Variants in DPYD observed in about 807,000 individuals in gnomAD.
The protein encoded by DPYD is dihydropyrimidine dehydrogenase, also known as dihydropyrimidine dehydrogenase [NADP(+)].
DPYD carries 109 observed loss-of-function variants against 116.2 expected under a neutral mutation model. The observed-to-expected ratio is 0.94, with a 90% CI of 0.80 to 1.10. DPYD has a LOEUF of 1.10. Among genes scored for constraint, DPYD ranks in the 50% least tolerant of loss-of-function variants. DPYD has a pLI of 0.00. For synonymous variants in DPYD, 440 were observed against 432.0 expected (o/e 1.02, Z -0.23); for missense variants, 1,302 against 1,254.5 (o/e 1.04, Z -0.57).
chr1:97,608,501 T>C (rs1163028276), intron 8 of DPYD, among the ~76,000 whole-genome samples: 1 of 151,760 alleles, frequency 6.6e-6, no homozygotes, highest in Non-Finnish European at 1.5e-5. Flanking sequence ...AGTAGAAATA[T>C]ATGGGTAACG....
At chr1:97,416,583 C>A (rs1312020843) in intron 14 of DPYD, among the ~76,000 whole-genome samples, 4 of 152,202 alleles carry the variant, frequency 2.6e-5, no homozygotes, top group African/African-American at 7.2e-5. Context: ...TATATCACTT[C>A]TCTTGAAGTA....
At chr1:97,816,035 C>T (rs749284750) in intron 3 of DPYD, among the ~76,000 whole-genome samples, 35 of 152,118 alleles carry the variant, frequency 2.3e-4, no homozygotes, top group Non-Finnish European at 1.0e-4. Flanking sequence ...CAATAAAACA[C>T]CAAGAACATT....
At chr1:97,696,465 G>A (rs1323305100) in intron 6 of DPYD, among the ~76,000 whole-genome samples, 1 of 152,126 alleles carries the variant, frequency 6.6e-6, no homozygotes, top group East Asian at 1.9e-4. Context: ...GAGTAAATGA[G>A]ATTATTCTGA....
At chr1:97,466,320 G>A (rs1677321647) in intron 13 of DPYD, among the ~76,000 whole-genome samples, 1 of 152,160 alleles carries the variant, frequency 6.6e-6, no homozygotes, top group African/African-American at 2.4e-5. Flanking sequence ...CCTATCACTA[G>A]CTTGCTGAAG....
At chr1:97,652,275 T>G (rs2100844562) in intron 8 of DPYD, among the ~76,000 whole-genome samples, 1 of 152,304 alleles carries the variant, frequency 6.6e-6, no homozygotes, top group Admixed American at 6.5e-5. Flanking sequence ...TTCATCCTCT[T>G]TGACTAACAT....
chr1:97,501,278 T>C (rs559468773), intron 13 of DPYD, among the ~76,000 whole-genome samples: 1 of 152,254 alleles, frequency 6.6e-6, no homozygotes, highest in East Asian at 1.9e-4. Flanking sequence ...AGCCAACTTC[T>C]TAATATGTTC....
intron 16 of DPYD, among the ~76,000 whole-genome samples, chr1:97,350,199 A>T (rs1558047525): frequency 6.6e-6 from 1 of 152,140 alleles, no homozygotes; most frequent in Non-Finnish European, 1.5e-5. Context: ...TTAACTAAAA[A>T]GAATTAAACT....
intron 12 of DPYD, among the ~76,000 whole-genome samples, chr1:97,521,163 C>T (rs932895559): frequency 6.6e-6 from 1 of 152,158 alleles, no homozygotes; most frequent in Admixed American, 6.5e-5. Context: ...TAAGTTATCG[C>T]CATGCTAACT....
At chr1:97,207,056 T>C (rs1659690344) in intron 19 of DPYD, among the ~76,000 whole-genome samples, 1 of 152,054 alleles carries the variant, frequency 6.6e-6, no homozygotes, top group South Asian at 2.1e-4. Context: ...TATATTTCTT[T>C]TGGTTACCAT....
At chr1:97,226,547 T>C (rs1206608231) in intron 19 of DPYD, among the ~76,000 whole-genome samples, 4 of 151,970 alleles carry the variant, frequency 2.6e-5, no homozygotes, top group Admixed American at 6.6e-5. Flanking sequence ...GATACAAAAT[T>C]CACATGCAAA....
At chr1:97,397,593 AATGT>A (rs1459255940) in intron 14 of DPYD, among the ~76,000 whole-genome samples, 4 of 151,974 alleles carry the variant, frequency 2.6e-5, no homozygotes, top group Non-Finnish European at 5.9e-5. Context: ...TCTTTTCCAG[AATGT>A]CATATAATTG....
At chr1:97,334,323 AACTTAAG>A (rs1302584329) in intron 16 of DPYD, among the ~76,000 whole-genome samples, 1 of 152,214 alleles carries the variant, frequency 6.6e-6, no homozygotes, top group Non-Finnish European at 1.5e-5. Flanking sequence ...AATGCCTAAA[AACTTAAG>A]ACTTAAGATG....
At chr1:97,551,103 T>C (rs764194336) in intron 11 of DPYD, among the ~76,000 whole-genome samples, 1 of 152,126 alleles carries the variant, frequency 6.6e-6, no homozygotes, top group Non-Finnish European at 1.5e-5. Flanking sequence ...GATTGATGGA[T>C]GAATGAATGA....
At chr1:97,497,067 TCA>T (rs1217044344) in intron 13 of DPYD, among the ~76,000 whole-genome samples, 1 of 151,876 alleles carries the variant, frequency 6.6e-6, no homozygotes, top group African/African-American at 2.4e-5. Flanking sequence ...TTTTTAACAC[TCA>T]CAGTCTGTGC....
intron 8 of DPYD, among the ~76,000 whole-genome samples, chr1:97,612,414 C>G (rs941129210): frequency 6.6e-6 from 1 of 151,918 alleles, no homozygotes; most frequent in Non-Finnish European, 1.5e-5. Context: ...AAAATTAATA[C>G]TTTACATATG....
chr1:97,559,136 T>C, intron 11 of DPYD, among the ~76,000 whole-genome samples: 1 of 152,178 alleles, frequency 6.6e-6, no homozygotes, highest in African/African-American at 2.4e-5. Flanking sequence ...AGTGAAAAAA[T>C]AGCGTATTGA....
intron 7 of DPYD, among the ~76,000 whole-genome samples, chr1:97,683,022 T>C (rs535763320): frequency 3.7e-4 from 56 of 152,182 alleles, no homozygotes; most frequent in Admixed American, 3.5e-3. Flanking sequence ...ATAGTAACAT[T>C]TATTATGCAG....
intron 14 of DPYD, chr1:97,419,959 G>A (rs1371479954): frequency 3.3e-5 from 5 of 152,154 alleles, no homozygotes; most frequent in Non-Finnish European, 5.9e-5. Context: ...GAAATAGAAA[G>A]GACAGTCAAT....
intron 3 of DPYD, among the ~76,000 whole-genome samples, chr1:97,819,085 C>A (rs1668783990): frequency 6.6e-6 from 1 of 151,900 alleles, no homozygotes. Context: ...AAGTACTCAT[C>A]CTGATTGACT....
Sources: gnomAD v4.1 joint callset for allele counts (sites outside exome capture counted in the v4.1 genomes callset) on GRCh38, gnomAD v4.1.1 for gene constraint, MANE v1.5 for transcripts, NCBI Gene and HGNC (gene_info 2026-07-23, HGNC 2026-07-21) for gene names.